The following PRDM16 variants were observed in gnomAD, a reference collection of about 807,000 sequenced individuals.
PRDM16 encodes the protein histone-lysine N-methyltransferase PRDM16.
In PRDM16, 23 loss-of-function variants were observed where a neutral mutation model predicts 110.6. The observed-to-expected ratio is 0.21, with a 90% confidence interval of 0.15 to 0.29. The LOEUF (loss-of-function observed/expected upper bound fraction) is 0.29. Ranked by LOEUF, PRDM16 falls within the 10% of genes least tolerant of loss-of-function variation. The probability of loss-of-function intolerance (pLI) is 1.00; values close to 1 mark genes in which losing one functional copy is unlikely to be tolerated. For missense variants in PRDM16, 1,615 were observed against 1,794.3 expected (o/e 0.90, Z 1.81); for synonymous variants, 799 against 781.8 (o/e 1.02, Z -0.37).
At chr1:3,166,686 C>T (rs1643960574) in intron 1 of PRDM16, among the ~76,000 whole-genome samples, 2 of 152,202 alleles carry the variant, frequency 1.3e-5, no homozygotes, top group Admixed American at 1.3e-4. Flanking sequence ...CTCCCATCAC[C>T]CAGGGATGAC....
At chr1:3,225,567 T>TGCGC (rs1366449613) in intron 2 of PRDM16, among the ~76,000 whole-genome samples, 2 of 124,066 alleles carry the variant, frequency 1.6e-5, no homozygotes, top group African/African-American at 7.7e-5. Context: ...TGTGTGTGTG[T>TGCGC]GTGTGTGCGC....
At chr1:3,195,766 C>G (rs1350332283) in intron 2 of PRDM16, among the ~76,000 whole-genome samples, 1 of 152,212 alleles carries the variant, frequency 6.6e-6, no homozygotes, top group Non-Finnish European at 1.5e-5. Context: ...CCCTAGGTCC[C>G]CCAAGGCTCC....
intron 2 of PRDM16, among the ~76,000 whole-genome samples, chr1:3,233,815 T>C (rs1473968878): frequency 1.3e-5 from 2 of 151,972 alleles, no homozygotes; most frequent in African/African-American, 4.8e-5. Flanking sequence ...GTCTCCAGGC[T>C]CATAAAGTTG....
At chr1:3,181,195 G>C (rs1457297316) in intron 1 of PRDM16, among the ~76,000 whole-genome samples, 3 of 121,882 alleles carry the variant, frequency 2.5e-5, no homozygotes, top group Non-Finnish European at 5.0e-5. Flanking sequence ...CAGTCTTACG[G>C]TCTTACACAC....
intron 3 of PRDM16, among the ~76,000 whole-genome samples, chr1:3,284,103 T>C (rs368484250): frequency 0.018 from 2,742 of 152,274 alleles, 85 homozygotes; most frequent in African/African-American, 0.062. Context: ...CAGGGGCTGC[T>C]GCCCGCCACC....
At chr1:3,302,871 C>T (rs11806922) in intron 3 of PRDM16, among the ~76,000 whole-genome samples, 18,146 of 152,104 alleles carry the variant, frequency 0.12, 3,567 homozygotes, top group African/African-American at 0.41. Flanking sequence ...CTTCACCCCT[C>T]GGTGCAAGTC....
chr1:3,364,255 C>T lies in PRDM16; in HGVS notation c.439-20897C>T, dbSNP rs571945443. 1.8e-4 allele frequency among the ~76,000 whole-genome samples: 28 copies of T among 152,276 alleles called. No homozygotes were observed. The Middle Eastern group carries it at 0.01, about 55-fold the overall frequency. On this transcript the variant is annotated intron_variant, in intron 3 of 16. Coordinates refer to ENST00000270722, the MANE Select transcript of PRDM16 (RefSeq NM_022114.4). ...AGAAGACAGAGCAAAGCTTTTCCTTCGGCGTGAGGTCCTGGGCGGAGGTCT... is the reference window on the plus strand; with the variant it reads ...AGAAGACAGAGCAAAGCTTTTCCTTTGGCGTGAGGTCCTGGGCGGAGGTCT...
intron 1 of PRDM16, among the ~76,000 whole-genome samples, chr1:3,090,259 C>T (rs934950355): frequency 5.3e-5 from 8 of 152,332 alleles, no homozygotes; most frequent in East Asian, 3.9e-4. Context: ...GCCCAGCAGA[C>T]GGGGCTTGAC....
At chr1:3,203,103 C>T (rs1638671759) in intron 2 of PRDM16, among the ~76,000 whole-genome samples, 1 of 152,190 alleles carries the variant, frequency 6.6e-6, no homozygotes, top group South Asian at 2.1e-4. Context: ...TAAAGCAGGG[C>T]AATTGCACAC....
intron 2 of PRDM16, among the ~76,000 whole-genome samples, chr1:3,221,495 C>T (rs1302248802): frequency 3.9e-5 from 6 of 152,278 alleles, no homozygotes; most frequent in African/African-American, 1.4e-4. Flanking sequence ...TGCACCGACT[C>T]TCTAAGCACT....
Position 3,411,708 on chromosome 1 carries a change from C to G in PRDM16, c.1511C>G (p.Pro504Arg). Residue 504 changes from proline to arginine, a missense_variant, in exon 9 of 17, where the codon CCT becomes CGT. Pro to Arg is a moderately radical substitution (Grantham distance 103). This residue lies in a region of PRDM16 where 772 missense variants were observed against 748.3 expected (regional missense o/e 1.03). Transcript: ENST00000270722. Reference protein sequence around the residue: ...HPGSLPFSTAPPTFPALTPGF... With the variant: ...HPGSLPFSTARPTFPALTPGF... ...GGGAGCCTGCCCTTCTCCACGGCGC[C>G]TCCCACGTTCCCCGCACTCACCCCC... is the stretch of plus-strand genomic sequence containing the variant. 1 of 1,610,404 alleles carries G rather than the reference C, an allele frequency of 6.2e-7. No homozygotes were observed. The highest frequency in any genetic ancestry group is 8.5e-7 in the Non-Finnish European group (1 of 1,177,766).
rs920361065 is a variant in PRDM16, at chr1:3,148,583, A to C, written c.38-37542A>C. On this transcript the variant is annotated intron_variant, in intron 1 of 16. Coordinates refer to ENST00000270722, the MANE Select transcript of PRDM16 (RefSeq NM_022114.4). The surrounding 1 kb of genome is among the most constrained non-coding windows in gnomAD (Gnocchi z 5.0). ...GGATTTTACAATCCAGGAGATGTCA[A>C]CTCCTTGCTGGGACCTCCTTGACGC... Among the ~76,000 whole-genome samples the C allele has an allele frequency of 6.6e-6, 1 of 151,518 alleles. No individual in the cohort carries two copies. Among genetic ancestry groups the C allele is most frequent in the Non-Finnish European group, 1.5e-5 (1 of 67,840 alleles).
intron 1 of PRDM16, among the ~76,000 whole-genome samples, chr1:3,082,628 G>C (rs1642056516): frequency 6.6e-6 from 1 of 152,244 alleles, no homozygotes; most frequent in Non-Finnish European, 1.5e-5. Flanking sequence ...GGTCAGGACA[G>C]AGCCGGGGTT....
At chr1:3,374,642 G>A (rs1013241415) in intron 3 of PRDM16, among the ~76,000 whole-genome samples, 3 of 152,182 alleles carry the variant, frequency 2.0e-5, no homozygotes, top group African/African-American at 7.2e-5. Context: ...CCCTCCGGAA[G>A]GGGGAGGGGG....
intron 3 of PRDM16, among the ~76,000 whole-genome samples, chr1:3,267,089 C>G (rs923341053): frequency 6.6e-6 from 1 of 152,234 alleles, no homozygotes; most frequent in Admixed American, 6.5e-5. Context: ...CTAGTACATT[C>G]GGTATTTTGC....
At chr1:3,393,301 G>A (rs568786542) in intron 4 of PRDM16, among the ~76,000 whole-genome samples, 5 of 152,226 alleles carry the variant, frequency 3.3e-5, no homozygotes, top group African/African-American at 4.8e-5. Flanking sequence ...CTTCCTTTCC[G>A]GCGGCCAGTC....
intron 1 of PRDM16, among the ~76,000 whole-genome samples, chr1:3,128,567 G>GC (rs1388840807): frequency 3.3e-5 from 5 of 152,130 alleles, no homozygotes; most frequent in Non-Finnish European, 7.3e-5. Flanking sequence ...GGGCATGAGG[G>GC]CCGAGGACTC....
intron 3 of PRDM16, among the ~76,000 whole-genome samples, chr1:3,321,033 A>G (rs1385380187): frequency 1.3e-5 from 2 of 152,224 alleles, no homozygotes; most frequent in Admixed American, 6.5e-5. Context: ...TGCGAGGGAT[A>G]GAGCCTGGAC....
chr1:3,181,293 C>A (rs1228154790), intron 1 of PRDM16, among the ~76,000 whole-genome samples: 26 of 100,652 alleles, frequency 2.6e-4, no homozygotes, highest in African/African-American at 7.6e-4. Context: ...GTCTTACACA[C>A]GCAGTCTTAC....
Sources: allele counts gnomAD v4.1 joint callset (sites outside exome capture counted in the v4.1 genomes callset), GRCh38; gene constraint gnomAD v4.1.1; regional missense constraint gnomAD v4.1.1; non-coding constraint Gnocchi (gnomAD v3.1); transcripts MANE v1.5; gene names NCBI Gene and HGNC (gene_info 2026-07-23, HGNC 2026-07-21).